Variants in TRAPPC9 observed in about 807,000 individuals in gnomAD.
TRAPPC9 encodes the protein trafficking protein particle complex subunit 9, also known as IKK2 binding protein.
TRAPPC9 carries 83 observed loss-of-function variants against 124.0 expected under a neutral mutation model. The observed-to-expected ratio is 0.67, with a 90% CI of 0.56 to 0.80. The LOEUF (loss-of-function observed/expected upper bound fraction) is 0.80, where lower values mean the gene tolerates loss of function less well. Among genes scored for constraint, TRAPPC9 ranks in the 30% least tolerant of loss-of-function variants. TRAPPC9 has a pLI of 0.00. For missense variants in TRAPPC9, 1,302 were observed against 1,508.3 expected, an observed-to-expected ratio of 0.86 and a Z score of 2.27; for synonymous variants, 638 against 617.5, an observed-to-expected ratio of 1.03 and a Z score of -0.49.
intron 17 of TRAPPC9, among the ~76,000 whole-genome samples, chr8:140,202,428 A>G (rs942705069): frequency 2.0e-5 from 3 of 152,220 alleles, no homozygotes; most frequent in African/African-American, 4.8e-5. Context: ...GGGGAAAAAA[A>G]GTAGCATCTT....
chr8:140,009,603 G>A (rs1013992442), intron 18 of TRAPPC9, among the ~76,000 whole-genome samples: 1 of 152,110 alleles, frequency 6.6e-6, no homozygotes, highest in Non-Finnish European at 1.5e-5. Flanking sequence ...TTTAATGTTT[G>A]TTCTGAGGAT....
chr8:140,265,550 C>T (rs1297189948), intron 15 of TRAPPC9, among the ~76,000 whole-genome samples: 2 of 152,178 alleles, frequency 1.3e-5, no homozygotes, highest in Non-Finnish European at 2.9e-5. Flanking sequence ...CCCCATCCTT[C>T]CTGTGGCACA....
Position 140,278,910 on chromosome 8 carries a change from G to A in TRAPPC9, c.2115-3089C>T, listed in dbSNP as rs568008609. On this transcript the variant is annotated intron_variant, in intron 14 of 22. Coordinates refer to ENST00000438773, the MANE Select transcript of TRAPPC9 (RefSeq NM_001160372.4). ...AAGCCTGGCCATCTGACACTGCTTC[G>A]CAAAGTGACCTGCCTTCTGTCTCTG... 5.9e-5 allele frequency among the ~76,000 whole-genome samples: 9 copies of A among 152,332 alleles called. No homozygotes were observed. The South Asian group carries it at 6.2e-4, about 11-fold the overall frequency.
intron 19 of TRAPPC9, among the ~76,000 whole-genome samples, chr8:139,976,041 G>C (rs1475210256): frequency 7.2e-6 from 1 of 138,550 alleles, no homozygotes; most frequent in Non-Finnish European, 1.5e-5. Context: ...ACAGGCGCCC[G>C]CCACCTCGCC....
chr8:140,316,288 T>A (rs190028133), intron 9 of TRAPPC9, among the ~76,000 whole-genome samples: 63 of 152,278 alleles, frequency 4.1e-4, no homozygotes, highest in South Asian at 1.0e-3. Context: ...TGGTCCTTTG[T>A]TTTTTCAGAG....
At chr8:139,952,954 A>G (rs1213299006) in intron 19 of TRAPPC9, among the ~76,000 whole-genome samples, 4 of 152,222 alleles carry the variant, frequency 2.6e-5, no homozygotes, top group Non-Finnish European at 5.9e-5. Context: ...GCTTGTCAGA[A>G]GCAGAGCTGG....
At chr8:139,807,629 T>G (rs946187519) in intron 21 of TRAPPC9, among the ~76,000 whole-genome samples, 1 of 152,078 alleles carries the variant, frequency 6.6e-6, no homozygotes, top group South Asian at 2.1e-4. Flanking sequence ...GTGCGGAGAT[T>G]GAAGCGGGTC....
chr8:139,929,786 C>A (rs764228218), intron 19 of TRAPPC9, among the ~76,000 whole-genome samples: 1 of 152,244 alleles, frequency 6.6e-6, no homozygotes, highest in Admixed American at 6.5e-5. Context: ...CAAGCCTGGG[C>A]AGCGCTGGCC....
At chr8:140,370,147 T>G (rs1002150436) in intron 8 of TRAPPC9, among the ~76,000 whole-genome samples, 19 of 151,870 alleles carry the variant, frequency 1.3e-4, no homozygotes, top group South Asian at 4.2e-4. Flanking sequence ...TTTGTTTTTT[T>G]GGGTTTTTTT....
At chr8:139,994,823 C>T (rs964122585) in intron 18 of TRAPPC9, among the ~76,000 whole-genome samples, 6 of 151,888 alleles carry the variant, frequency 4.0e-5, no homozygotes, top group Non-Finnish European at 4.4e-5. Context: ...AAGCAAAAAT[C>T]GTAAGGCACA....
At chr8:139,990,413 CA>C (rs1563670523) in intron 18 of TRAPPC9, among the ~76,000 whole-genome samples, 1 of 152,104 alleles carries the variant, frequency 6.6e-6, no homozygotes, top group African/African-American at 2.4e-5. Context: ...AACTGAGGTA[CA>C]GGGGGTAGAG....
intron 21 of TRAPPC9, among the ~76,000 whole-genome samples, chr8:139,834,614 C>T (rs2130857224): frequency 6.6e-6 from 1 of 152,312 alleles, no homozygotes; most frequent in African/African-American, 2.4e-5. Flanking sequence ...GTTGTCGCCC[C>T]ATCTCACAGC....
intron 21 of TRAPPC9, among the ~76,000 whole-genome samples, chr8:139,876,491 C>T (rs962813772): frequency 2.2e-4 from 34 of 152,246 alleles, no homozygotes; most frequent in African/African-American, 6.0e-4. Context: ...GGGACATCTG[C>T]ACAAGCTCTG....
chr8:139,855,146 G>A (rs890022371), intron 21 of TRAPPC9, among the ~76,000 whole-genome samples: 1 of 152,216 alleles, frequency 6.6e-6, no homozygotes, highest in African/African-American at 2.4e-5. Context: ...TTGTAACCCA[G>A]AGCTGGGCTG....
At chr8:139,802,600 C>T (rs1396220749) in intron 21 of TRAPPC9, among the ~76,000 whole-genome samples, 1 of 152,214 alleles carries the variant, frequency 6.6e-6, no homozygotes, top group Non-Finnish European at 1.5e-5. Context: ...ATAGTGATCG[C>T]AAGCTTTCAA....
chr8:140,314,921 C>T (rs993640534), intron 9 of TRAPPC9, among the ~76,000 whole-genome samples: 3 of 152,222 alleles, frequency 2.0e-5, no homozygotes, highest in African/African-American at 4.8e-5. Context: ...GTCACCCCTT[C>T]GACACTGACT....
chr8:140,160,678 G>A lies in TRAPPC9; in HGVS notation c.2556+60781C>T, dbSNP rs1275298169. ...GGGGCTGGGGGAGGGATAGCATTAG[G>A]AGAAATGCCTAATGCAAATGATAAG... On this transcript the variant is annotated intron_variant, in intron 17 of 22. Coordinates refer to ENST00000438773, the MANE Select transcript of TRAPPC9 (RefSeq NM_001160372.4). 2.0e-5 allele frequency among the ~76,000 whole-genome samples: 3 copies of A among 152,200 alleles called. 1 individual carries two copies. Among genetic ancestry groups the A allele is most frequent in the Middle Eastern group, 6.8e-3 (2 of 294 alleles).
In TRAPPC9 at chr8:139,928,435, T is replaced by G. The variant is rs191707124; in HGVS notation, c.2811-18135A>C. 5.9e-5 allele frequency among the ~76,000 whole-genome samples: 9 copies of G among 151,636 alleles called. No homozygotes were observed. In the East Asian group the frequency reaches 1.8e-3, roughly 29 times the overall value. On this transcript the variant is annotated intron_variant, in intron 19 of 22. Transcript: ENST00000438773. ...TGAACCCAGGAGGCAGAGGTTGCAG[T>G]GAGCCAAGATGGCGCCACTGCACTC... is the stretch of plus-strand genomic sequence containing the variant.
intron 17 of TRAPPC9, among the ~76,000 whole-genome samples, chr8:140,033,531 G>GA (rs113030070): frequency 2.6e-4 from 38 of 146,650 alleles, no homozygotes; most frequent in African/African-American, 6.7e-4. Flanking sequence ...AACATCAAAG[G>GA]AAAAAAAAAA....
Sources: gnomAD v4.1 joint callset for allele counts (sites outside exome capture counted in the v4.1 genomes callset) on GRCh38, gnomAD v4.1.1 for gene constraint, MANE v1.5 for transcripts, NCBI Gene and HGNC (gene_info 2026-07-23, HGNC 2026-07-21) for gene names.